GK: variants seen among roughly 807,000 people sequenced by gnomAD.
GK encodes the protein glycerol kinase, also known as ATP:glycerol 3-phosphotransferase.
GK carries 9 observed loss-of-function variants against 56.4 expected under a neutral mutation model. The ratio of observed to expected loss-of-function variants is 0.16; its 90% confidence interval spans 0.10 to 0.28. The LOEUF is 0.28. Ranked by LOEUF, GK falls within the 10% of genes least tolerant of loss-of-function variation. The pLI is 1.00. For missense variants in GK, 161 were observed against 431.4 expected, an observed-to-expected ratio of 0.37 and a Z score of 5.55; for synonymous variants, 104 against 144.1, an observed-to-expected ratio of 0.72 and a Z score of 1.99.
At chrX:30,702,367 A>G (rs1029109613) in intron 11 of GK, among the ~76,000 whole-genome samples, 4 of 112,391 alleles carry the variant, frequency 3.6e-5, no homozygotes, top group Non-Finnish European at 7.5e-5. Context: ...ATATTAAAAA[A>G]TCTACCTGCC....
chrX:30,675,543 G>A (rs1414662602), intron 3 of GK, among the ~76,000 whole-genome samples: 3 of 99,978 alleles, frequency 3.0e-5, no homozygotes, highest in African/African-American at 1.1e-4. Flanking sequence ...TTTTGAGACA[G>A]GATCTAACTA....
intron 8 of GK, 25 bp from the exon 9 acceptor site, chrX:30,697,704 CCTT>C: frequency 4.6e-6 from 5 of 1,087,629 alleles, no homozygotes; most frequent in Non-Finnish European, 6.4e-6. Flanking sequence ...ATGCTTCTAT[CCTT>C]CTCTCTCCCC....
chrX:30,727,337 T>C (rs372999695), intron 19 of GK, 129 bp from the exon 20 acceptor site: 1 of 483,372 alleles, frequency 2.1e-6, no homozygotes. Flanking sequence ...TTTGCTAGCT[T>C]TTATGAATAT....
At chrX:30,666,787 T>C (rs1268673314) in intron 2 of GK, among the ~76,000 whole-genome samples, 1 of 112,087 alleles carries the variant, frequency 8.9e-6, no homozygotes, top group African/African-American at 3.2e-5. Context: ...CCCAGTGCAA[T>C]TTGTAAAGAA....
intron 1 of GK, among the ~76,000 whole-genome samples, chrX:30,659,438 G>T (rs905603387): frequency 4.4e-4 from 50 of 112,776 alleles, no homozygotes; most frequent in African/African-American, 1.6e-3. Flanking sequence ...GAACATATTT[G>T]TGGCTAATAT....
chrX:30,676,108 A>C (rs2147162250), intron 3 of GK, among the ~76,000 whole-genome samples: 1 of 111,117 alleles, frequency 9.0e-6, no homozygotes, highest in South Asian at 3.8e-4. Context: ...TAATTTTTAA[A>C]AATTTTTTTA....
At position 30,728,528 on chromosome X, in the gene GK, T is replaced by C. The variant is rs191184902; in HGVS notation, c.1670-204T>C. ...TGCAATTTGAGAGGGCTGGAAATTGTTTGCCTTGGTAAACGATTAGCAACA... is the reference window on the plus strand; with the variant it reads ...TGCAATTTGAGAGGGCTGGAAATTGCTTGCCTTGGTAAACGATTAGCAACA... On this transcript the variant is annotated intron_variant, in intron 20 of 20. Coordinates refer to ENST00000427190, the MANE Select transcript of GK (RefSeq NM_001205019.2). Among the ~76,000 whole-genome samples, 4 of 112,022 alleles carry C rather than the reference T, an allele frequency of 3.6e-5. No individual in the cohort carries two copies. The East Asian group carries it at 8.3e-4, about 23-fold the overall frequency.
At chrX:30,678,852 A>AT (rs58342528) in intron 4 of GK, among the ~76,000 whole-genome samples, 17,926 of 77,080 alleles carry the variant, frequency 0.23, 2,141 homozygotes, top group Non-Finnish European at 0.27. Flanking sequence ...ATGCCCAGCT[A>AT]TTTTTTTTTT....
chrX:30,669,793 T>TAAA, intron 3 of GK, among the ~76,000 whole-genome samples: 1 of 109,560 alleles, frequency 9.1e-6, no homozygotes, highest in East Asian at 2.8e-4. Context: ...AAAACTCACT[T>TAAA]AAAAAAAAAG....
intron 3 of GK, among the ~76,000 whole-genome samples, chrX:30,676,727 G>GT (rs999983115): frequency 3.6e-5 from 4 of 111,294 alleles, no homozygotes; most frequent in Non-Finnish European, 5.7e-5. Flanking sequence ...GTGGGTTAGT[G>GT]TTTTTTTACA....
chrX:30,704,981 A>G (rs1166728514), intron 11 of GK, among the ~76,000 whole-genome samples: 1 of 112,650 alleles, frequency 8.9e-6, no homozygotes, highest in Non-Finnish European at 1.9e-5. Flanking sequence ...TGTGCTTTGC[A>G]AAAATACAAC....
chrX:30,661,062 T>A (rs1053723189), intron 1 of GK, among the ~76,000 whole-genome samples: 108 of 110,376 alleles, frequency 9.8e-4, no homozygotes, highest in African/African-American at 3.2e-3. Flanking sequence ...TCCGCCCACC[T>A]CGGCCTCCCA....
chrX:30,678,695 GTT>G (rs1299369559), intron 4 of GK, among the ~76,000 whole-genome samples: 1 of 67,103 alleles, frequency 1.5e-5, no homozygotes, highest in Non-Finnish European at 3.0e-5. Flanking sequence ...TCTTTCCTCT[GTT>G]TTTTTTTTTT....
At chrX:30,717,395 G>A (rs955171372) in intron 13 of GK, among the ~76,000 whole-genome samples, 9 of 109,655 alleles carry the variant, frequency 8.2e-5, no homozygotes, top group African/African-American at 3.0e-4. Context: ...ATGGTTTATA[G>A]TAATACTATA....
chrX:30,677,482 AG>A (rs781443809), intron 4 of GK, 30 bp downstream of exon 4: 3 of 809,676 alleles, frequency 3.7e-6, no homozygotes, highest in Non-Finnish European at 5.7e-6. Context: ...TGTCAAATGT[AG>A]GGCCTTTCTT....
At chrX:30,700,550 A>G in intron 10 of GK, 101 bp downstream of exon 10, 4 of 735,301 alleles carry the variant, frequency 5.4e-6, no homozygotes, top group Non-Finnish European at 6.2e-6. Context: ...ACTAGGGAAA[A>G]CAAGTAAAAG....
chrX:30,704,128 T>TTATACATATATATA (rs1935849882), intron 11 of GK, among the ~76,000 whole-genome samples: 1 of 74,936 alleles, frequency 1.3e-5, no homozygotes, highest in Non-Finnish European at 2.3e-5. Flanking sequence ...GTTATTCATT[T>TTATACATATATATA]TATATATATA....
At chrX:30,712,711 T>A (rs967359642) in intron 13 of GK, among the ~76,000 whole-genome samples, 1 of 103,613 alleles carries the variant, frequency 9.7e-6, no homozygotes, top group Non-Finnish European at 2.0e-5. Context: ...ATTTCTTTTT[T>A]CTTTTCTTTT....
At chrX:30,693,615 C>A (rs1391671809) in intron 5 of GK, among the ~76,000 whole-genome samples, 1 of 111,491 alleles carries the variant, frequency 9.0e-6, no homozygotes, top group Non-Finnish European at 1.9e-5. Flanking sequence ...GTGGTGCAAT[C>A]TCAGCTCACT....
Sources: allele counts gnomAD v4.1 joint callset (sites outside exome capture counted in the v4.1 genomes callset), GRCh38; gene constraint gnomAD v4.1.1; transcripts MANE v1.5; gene names NCBI Gene and HGNC (gene_info 2026-07-23, HGNC 2026-07-21).